Variants in MAP2 observed in about 807,000 individuals in gnomAD.
MAP2 encodes microtubule-associated protein 2.
Under a neutral mutation model 137.6 loss-of-function variants are expected in MAP2, and 14 were observed. That is an observed-to-expected ratio of 0.10 (90% CI 0.07 to 0.16). The LOEUF is 0.16. Among genes scored for constraint, MAP2 ranks in the 10% least tolerant of loss-of-function variants. The pLI is 1.00. For synonymous variants in MAP2, 786 were observed against 782.3 expected, an observed-to-expected ratio of 1.00 and a Z score of -0.08; for missense variants, 2,088 against 2,191.5, an observed-to-expected ratio of 0.95 and a Z score of 0.94.
chr2:209,685,804 T>C lies in MAP2; in HGVS notation c.454+4977T>C, dbSNP rs183571918. Among the ~76,000 whole-genome samples, 16 of 152,268 alleles carry C rather than the reference T, an allele frequency of 1.1e-4. 1 individual carries two copies. ...TGGACTGTTTTTAAATGTTGGCACT[T>C]TCACAAAGAACAATGACAACAAGAA... On this transcript the variant is annotated intron_variant, in intron 7 of 15. Coordinates refer to ENST00000682079, the MANE Select transcript of MAP2 (RefSeq NM_001375505.1).
intron 7 of MAP2, chr2:209,684,645 T>A (rs1178847480): frequency 6.6e-6 from 1 of 152,206 alleles, no homozygotes; most frequent in Non-Finnish European, 1.5e-5. Context: ...GAAACTTTAT[T>A]CCTCCATTGA....
intron 5 of MAP2, among the ~76,000 whole-genome samples, chr2:209,673,099 G>A (rs2049611417): frequency 6.6e-6 from 1 of 151,770 alleles, no homozygotes; most frequent in Non-Finnish European, 1.5e-5. Context: ...TGTTTACCTG[G>A]ATAGTGGTGA....
chr2:209,725,545 A>G (rs534934260), intron 13 of MAP2, among the ~76,000 whole-genome samples, 164 bp from the exon 14 acceptor site: 4 of 152,284 alleles, frequency 2.6e-5, no homozygotes, highest in South Asian at 2.1e-4. Flanking sequence ...GGGAGAATAT[A>G]TGGAAAATTA....
intron 13 of MAP2, among the ~76,000 whole-genome samples, chr2:209,722,608 CAAAT>C (rs1280305250): frequency 6.6e-6 from 1 of 151,932 alleles, no homozygotes; most frequent in Non-Finnish European, 1.5e-5. Flanking sequence ...GACAATAACA[CAAAT>C]AAAGCTTTCT....
chr2:209,470,716 A>G (rs978928787), intron 1 of MAP2, among the ~76,000 whole-genome samples: 7 of 152,110 alleles, frequency 4.6e-5, no homozygotes, highest in Non-Finnish European at 7.4e-5. Context: ...GAGGTCAGCT[A>G]GGGGCGCTTG....
At chr2:209,604,604 T>C (rs1437628503) in intron 3 of MAP2, among the ~76,000 whole-genome samples, 1 of 152,168 alleles carries the variant, frequency 6.6e-6, no homozygotes, top group African/African-American at 2.4e-5. Context: ...GTTTTTGGTA[T>C]TTTAACCGAG....
At chr2:209,610,600 C>T (rs991624693) in intron 3 of MAP2, among the ~76,000 whole-genome samples, 1 of 151,946 alleles carries the variant, frequency 6.6e-6, no homozygotes, top group Non-Finnish European at 1.5e-5. Flanking sequence ...AAAGTAAAAA[C>T]TTGTATTATT....
At chr2:209,562,808 G>T (rs552236494) in intron 2 of MAP2, among the ~76,000 whole-genome samples, 1 of 152,174 alleles carries the variant, frequency 6.6e-6, no homozygotes, top group African/African-American at 2.4e-5. Context: ...TACCAAAACA[G>T]AAATTTTTCT....
intron 2 of MAP2, among the ~76,000 whole-genome samples, chr2:209,508,180 CTGAG>C (rs1576617586): frequency 6.6e-6 from 1 of 151,822 alleles, no homozygotes; most frequent in East Asian, 1.9e-4. Context: ...ACTAGCTTAA[CTGAG>C]TTTAGAGTAG....
intron 5 of MAP2, among the ~76,000 whole-genome samples, chr2:209,655,016 A>G (rs1235511555): frequency 2.6e-5 from 4 of 152,224 alleles, no homozygotes; most frequent in Admixed American, 6.5e-5. Flanking sequence ...GTGCTTGGTC[A>G]TGCAGTAAAA....
chr2:209,721,758 T>C (rs947496095), intron 13 of MAP2, among the ~76,000 whole-genome samples: 4 of 152,236 alleles, frequency 2.6e-5, no homozygotes, highest in Non-Finnish European at 5.9e-5. Flanking sequence ...ACCAGATTGG[T>C]ACTCTAATGA....
intron 2 of MAP2, among the ~76,000 whole-genome samples, chr2:209,552,685 AC>A (rs773485093): frequency 1.3e-5 from 2 of 152,094 alleles, no homozygotes; most frequent in Non-Finnish European, 2.9e-5. Context: ...ACATAGTGAA[AC>A]CCCATCTCTA....
chr2:209,697,126 G>A (rs2153726176), intron 10 of MAP2, 75 bp downstream of exon 10: 3 of 1,392,808 alleles, frequency 2.2e-6, no homozygotes, highest in Non-Finnish European at 1.9e-6. Flanking sequence ...TACTGTAGCA[G>A]CTTCTTCATT....
intron 4 of MAP2, among the ~76,000 whole-genome samples, chr2:209,649,509 G>C (rs1189862050): frequency 6.6e-6 from 1 of 152,148 alleles, no homozygotes; most frequent in Non-Finnish European, 1.5e-5. Flanking sequence ...TCATTTATGG[G>C]TGGTATTTTA....
chr2:209,522,423 G>A (rs2063416549), intron 2 of MAP2, among the ~76,000 whole-genome samples: 1 of 152,110 alleles, frequency 6.6e-6, no homozygotes, highest in Non-Finnish European at 1.5e-5. Flanking sequence ...AAATCATATT[G>A]AAGTAGTTGA....
At chr2:209,653,478 A>C in intron 5 of MAP2, 46 bp downstream of exon 5, 1 of 1,531,818 alleles carries the variant, frequency 6.5e-7, no homozygotes, top group Non-Finnish European at 8.8e-7. Context: ...TTGTGCTTTG[A>C]AGTCAGTTTA....
At chr2:209,471,349 G>T (rs1215602970) in intron 1 of MAP2, among the ~76,000 whole-genome samples, 1 of 152,030 alleles carries the variant, frequency 6.6e-6, no homozygotes, top group African/African-American at 2.4e-5. Flanking sequence ...TTCTCTACTA[G>T]ATTGTAAGCC....
chr2:209,505,887 G>A (rs1345884671), intron 1 of MAP2, among the ~76,000 whole-genome samples: 1 of 151,904 alleles, frequency 6.6e-6, no homozygotes, highest in Non-Finnish European at 1.5e-5. Flanking sequence ...TGGGAGGACC[G>A]ATTGAGCCTG....
intron 11 of MAP2, among the ~76,000 whole-genome samples, chr2:209,701,467 T>C (rs965458302): frequency 6.6e-6 from 1 of 152,020 alleles, no homozygotes. Context: ...ACTAATGAAA[T>C]CCTAAAATTA....
Sources: gnomAD v4.1 joint callset for allele counts (sites outside exome capture counted in the v4.1 genomes callset) on GRCh38, gnomAD v4.1.1 for gene constraint, MANE v1.5 for transcripts, NCBI Gene and HGNC (gene_info 2026-07-23, HGNC 2026-07-21) for gene names.